Variants in FAM81B observed in about 807,000 individuals in gnomAD.
FAM81B encodes protein FAM81B.
A neutral mutation model predicts 58.7 loss-of-function variants in FAM81B; 60 were observed. The observed-to-expected ratio is 1.02, with a 90% CI of 0.83 to 1.27. The LOEUF is 1.27. Ranked by LOEUF, FAM81B falls within the 50% of genes most tolerant of loss-of-function variation. The pLI is 0.00. For synonymous variants in FAM81B, 189 were observed against 179.6 expected (o/e 1.05, Z -0.42); for missense variants, 491 against 522.0 (o/e 0.94, Z 0.58).
chr5:95,420,556 T>G (rs1273492398), intron 5 of FAM81B, among the ~76,000 whole-genome samples, 154 bp downstream of exon 5: 1 of 152,218 alleles, frequency 6.6e-6, no homozygotes, highest in Admixed American at 6.5e-5. Context: ...CATAGAACTT[T>G]CAATGCCTCA....
chr5:95,420,372 G>A lies in FAM81B; in HGVS notation c.626G>A (p.Gly209Glu). Reference protein sequence around the residue: ...VHEINIKHLQGVGDLRGRVAR... With the variant: ...VHEINIKHLQEVGDLRGRVAR... ...GAGATAAACATCAAACACCTACAAG[G>A]AGTTGGAGATCTTCGAGGAAGAGTA... The change falls in exon 5 of 10, where the codon GGA becomes GAA. Residue 209 changes from glycine to glutamate, a missense_variant. By Grantham distance (98) the Gly-to-Glu change is moderately conservative. Transcript: ENST00000283357. 5 of 1,613,838 alleles carry A rather than the reference G, an allele frequency of 3.1e-6. No homozygotes were observed. The highest frequency in any genetic ancestry group is 4.2e-6 in the Non-Finnish European group (5 of 1,179,768).
intron 5 of FAM81B, among the ~76,000 whole-genome samples, chr5:95,420,611 G>A (rs1471818252): frequency 6.6e-6 from 1 of 152,240 alleles, no homozygotes; most frequent in Non-Finnish European, 1.5e-5. Context: ...CCCTTACACA[G>A]TTTGATTCCA....
intron 4 of FAM81B, among the ~76,000 whole-genome samples, chr5:95,417,835 A>G (rs1762577326): frequency 6.6e-6 from 1 of 152,236 alleles, no homozygotes; most frequent in Non-Finnish European, 1.5e-5. Context: ...TGCTTGCAGT[A>G]CATCACTGAA....
intron 4 of FAM81B, among the ~76,000 whole-genome samples, chr5:95,414,505 A>G (rs1762486952): frequency 6.6e-6 from 1 of 152,298 alleles, no homozygotes; most frequent in Non-Finnish European, 1.5e-5. Context: ...TATTAATGCA[A>G]TAACTTCAAA....
At chr5:95,397,899 A>G (rs375272632) in intron 3 of FAM81B, among the ~76,000 whole-genome samples, 3 of 152,204 alleles carry the variant, frequency 2.0e-5, no homozygotes, top group African/African-American at 7.2e-5. Context: ...GATTTTTGAT[A>G]TCCCTCCAGT....
chr5:95,420,243 T>C (rs754571847), intron 4 of FAM81B, 41 bp from the exon 5 acceptor site: 1 of 1,610,770 alleles, frequency 6.2e-7, no homozygotes, highest in Non-Finnish European at 8.5e-7. Context: ...CCTTATCATG[T>C]GTGATGGGAA....
At position 95,414,027 on chromosome 5, in the gene FAM81B, T is replaced by A. The variant is rs370114367; in HGVS notation, c.374T>A (p.Ile125Lys). 14 of 1,613,992 alleles carry A rather than the reference T, an allele frequency of 8.7e-6. No individual in the cohort carries two copies. The highest frequency in any genetic ancestry group is 1.2e-5 in the Non-Finnish European group (14 of 1,180,024). ...EDRLNNQARTIAFLLEQAFRI... is the reference protein window; with the variant it reads ...EDRLNNQARTKAFLLEQAFRI... ...AGACTGAACAACCAGGCGCGTACCATAGCTTTCCTTCTTGAACAAGCCTTC... is the reference window on the plus strand; with the variant it reads ...AGACTGAACAACCAGGCGCGTACCAAAGCTTTCCTTCTTGAACAAGCCTTC... The change falls in exon 4 of 10, where the codon ATA (isoleucine) becomes AAA (lysine). Residue 125 changes from isoleucine (I) to lysine (K), a missense_variant. Physicochemically the swap from Ile to Lys is moderately radical, Grantham distance 102. Transcript: ENST00000283357.
intron 5 of FAM81B, among the ~76,000 whole-genome samples, chr5:95,426,602 C>A (rs2162716): frequency 0.69 from 105,555 of 152,056 alleles, 37,222 homozygotes; most frequent in African/African-American, 0.76. Context: ...TTGAAGGTTG[C>A]GCACTCCAGG....
chr5:95,421,323 G>C (rs937290886), intron 5 of FAM81B, among the ~76,000 whole-genome samples: 43 of 152,312 alleles, frequency 2.8e-4, no homozygotes, highest in African/African-American at 9.9e-4. Context: ...AGTGACACTT[G>C]AGCTGAGTTT....
At chr5:95,406,269 T>G (rs253716) in intron 3 of FAM81B, 119,203 of 154,504 alleles carry the variant, frequency 0.77, 46,190 homozygotes, top group Middle Eastern at 0.85. Flanking sequence ...GGAAGGGAAA[T>G]GAATGGAACT....
intron 3 of FAM81B, among the ~76,000 whole-genome samples, chr5:95,407,952 T>C (rs1461364339): frequency 6.6e-6 from 1 of 152,180 alleles, no homozygotes; most frequent in Non-Finnish European, 1.5e-5. Context: ...CTAGGATAGT[T>C]CACTCATATA....
At chr5:95,427,833 T>G (rs1208257117) in intron 5 of FAM81B, among the ~76,000 whole-genome samples, 1 of 152,206 alleles carries the variant, frequency 6.6e-6, no homozygotes. Context: ...CTGTGCAACC[T>G]GCTGTCCCCC....
chr5:95,400,457 C>T (rs1762082947), intron 3 of FAM81B, among the ~76,000 whole-genome samples: 1 of 151,952 alleles, frequency 6.6e-6, no homozygotes, highest in Non-Finnish European at 1.5e-5. Context: ...CACATACATA[C>T]ATACAGGCAT....
chr5:95,448,133 C>G, intron 8 of FAM81B, 136 bp from the exon 9 acceptor site: 1 of 760,112 alleles, frequency 1.3e-6, no homozygotes. Context: ...CTTATGAACA[C>G]AGTTTTAGAT....
At chr5:95,428,460 T>G (rs1762908569) in intron 5 of FAM81B, 143 bp from the exon 6 acceptor site, 3 of 982,772 alleles carry the variant, frequency 3.1e-6, no homozygotes. Context: ...AGAAAGAGAT[T>G]CCTGAATACA....
At chr5:95,407,423 CGT>C (rs1561294579) in intron 3 of FAM81B, among the ~76,000 whole-genome samples, 23 of 150,990 alleles carry the variant, frequency 1.5e-4, no homozygotes, top group African/African-American at 4.6e-4. Context: ...CACACACACG[CGT>C]GCGCGCACAC....
chr5:95,435,626 GA>G (rs1243906342), intron 6 of FAM81B, among the ~76,000 whole-genome samples: 1 of 152,082 alleles, frequency 6.6e-6, no homozygotes, highest in Non-Finnish European at 1.5e-5. Flanking sequence ...TGTTTATCCT[GA>G]AAAGCTGTTG....
intron 5 of FAM81B, among the ~76,000 whole-genome samples, chr5:95,423,824 A>T (rs532130408): frequency 6.6e-6 from 1 of 152,306 alleles, no homozygotes; most frequent in Admixed American, 6.5e-5. Flanking sequence ...TGACATTTGG[A>T]CTGATACAGT....
chr5:95,411,088 T>A (rs1204780653), intron 3 of FAM81B, among the ~76,000 whole-genome samples: 1 of 152,190 alleles, frequency 6.6e-6, no homozygotes, highest in Non-Finnish European at 1.5e-5. Flanking sequence ...GTTGTCATGT[T>A]CATGTATAAA....
Sources: allele counts gnomAD v4.1 joint callset (sites outside exome capture counted in the v4.1 genomes callset), GRCh38; gene constraint gnomAD v4.1.1; transcripts MANE v1.5; gene names NCBI Gene and HGNC (gene_info 2026-07-23, HGNC 2026-07-21).